The following SELENON variants were observed in gnomAD, a reference collection of about 807,000 sequenced individuals.
SELENON encodes the protein selenoprotein N, 1.
In SELENON, 44 loss-of-function variants were observed where a neutral mutation model predicts 59.5. The observed-to-expected ratio is 0.74, with a 90% confidence interval of 0.58 to 0.95. The LOEUF is 0.95. SELENON is among the 40% of genes least tolerant of loss of function. The pLI, the probability that SELENON is intolerant of heterozygous loss-of-function variation, is 0.00. For synonymous variants in SELENON, 320 were observed against 305.6 expected (o/e 1.05, Z -0.49); for missense variants, 674 against 721.4 (o/e 0.93, Z 0.75).
chr1:25,813,977 A>G lies in SELENON; in HGVS notation c.1484A>G (p.Glu495Gly). Residue 495 changes from glutamate (E) to glycine (G), a missense_variant, in exon 11 of 13, where the codon GAG becomes GGG. Coordinates refer to ENST00000361547, the MANE Select transcript of SELENON (RefSeq NM_020451.3). ...ATCAGCACCTGGTCCCTGGTGAAGG[A>G]GCTGGAGGAACTGCAGGTGAGCGGG... The G allele has an allele frequency of 6.2e-7, 1 of 1,614,036 alleles. No individual in the cohort carries two copies. Among genetic ancestry groups the G allele is most frequent in the Non-Finnish European group, 8.5e-7 (1 of 1,179,924 alleles).
chr1:25,808,463 A>G, intron 4 of SELENON, 117 bp from the exon 4 acceptor site: 1 of 1,198,174 alleles, frequency 8.3e-7, no homozygotes. Flanking sequence ...CCTGGGGTCC[A>G]TCTGCTCCCT....
chr1:25,802,607 C>T (rs1448534820), intron 3 of SELENON, among the ~76,000 whole-genome samples: 4 of 151,972 alleles, frequency 2.6e-5, no homozygotes, highest in African/African-American at 9.7e-5. Context: ...CTGCCCGCCT[C>T]AGCCTCCCAA....
At chr1:25,814,431 G>A (rs1363063038) in intron 12 of SELENON, among the ~76,000 whole-genome samples, 1 of 152,216 alleles carries the variant, frequency 6.6e-6, no homozygotes, top group African/African-American at 2.4e-5. Context: ...CAGAGTCAGC[G>A]CCTCCCTAGA....
chr1:25,805,407 A>C, intron 4 of SELENON, 132 bp downstream of exon 3: 1 of 1,242,536 alleles, frequency 8.0e-7, no homozygotes, highest in South Asian at 1.3e-5. Flanking sequence ...ATGTGCGGTG[A>C]TGTTGTCCCT....
chr1:25,801,127 G>A lies in SELENON; in HGVS notation c.268G>A (p.Glu90Lys). The A allele has an allele frequency of 1.2e-6, 2 of 1,614,174 alleles. No homozygotes were observed. The highest frequency in any genetic ancestry group is 1.7e-6 in the Non-Finnish European group (2 of 1,180,024). ...TGACGGGGATATGTACATCAGCCCTGAGGAGTTCAAACCCATTGCTGAGAA... is the reference window on the plus strand; with the variant it reads ...TGACGGGGATATGTACATCAGCCCTAAGGAGTTCAAACCCATTGCTGAGAA... The change falls in exon 2 of 13, where the codon GAG becomes AAG. Residue 90 changes from glutamate to lysine, a missense_variant. Coordinates refer to ENST00000361547, the MANE Select transcript of SELENON (RefSeq NM_020451.3).
At chr1:25,811,632 G>A (rs1174458042) in intron 8 of SELENON, 59 bp from the exon 8 acceptor site, 2 of 1,606,450 alleles carry the variant, frequency 1.2e-6, no homozygotes, top group Non-Finnish European at 1.7e-6. Context: ...CTCTAGGGGA[G>A]CCCCTGAGGA....
chr1:25,808,900 C>A, intron 5 of SELENON, 111 bp downstream of exon 4: 1 of 1,571,262 alleles, frequency 6.4e-7, no homozygotes, highest in Non-Finnish European at 8.7e-7. Flanking sequence ...TGCTCTCCTG[C>A]CTTCCTCTGG....
chr1:25,814,188 C>T lies in SELENON; in HGVS notation c.1602+10C>T. 1.2e-6 allele frequency: 2 copies of T among 1,610,010 alleles called. No individual in the cohort carries two copies. The highest frequency in any genetic ancestry group is 1.7e-6 in the Non-Finnish European group (2 of 1,177,136). ...GCCCAATGGCACCGTGGTAGGCACC[C>T]CCACTCAGACCCCACAGGGCCCAGG... On this transcript the variant is annotated intron_variant, in intron 12 of 12. Coordinates refer to ENST00000361547, the MANE Select transcript of SELENON (RefSeq NM_020451.3).
At chr1:25,802,531 T>C (rs1256721870) in intron 3 of SELENON, among the ~76,000 whole-genome samples, 1 of 152,022 alleles carries the variant, frequency 6.6e-6, no homozygotes, top group Non-Finnish European at 1.5e-5. Context: ...TGATTTTGTA[T>C]TTTTAGTAGA....
chr1:25,815,668 C>T lies in SELENON; in HGVS notation c.1723C>T (p.Gln575Ter). Residue 575 changes from glutamine to a stop codon, truncating the protein, a stop_gained, in exon 13 of 13, where the codon CAG (glutamine) becomes TAG (stop). Transcript: ENST00000361547. LOFTEE classifies it high-confidence loss of function. Reference sequence around the variant, plus strand: ...AGACCCGTCCACGGCCACCTACATGCAGTTCCTGAAGGAGGGACTCCGGCG... The same window carrying T: ...AGACCCGTCCACGGCCACCTACATGTAGTTCCTGAAGGAGGGACTCCGGCG... 1 of 1,614,196 alleles carries T rather than the reference C, an allele frequency of 6.2e-7. No homozygotes were observed. Among genetic ancestry groups the T allele is most frequent in the Non-Finnish European group, 8.5e-7 (1 of 1,180,024 alleles).
rs751318243 is a variant in SELENON at position 25,809,157 on chromosome 1, G to A, written c.872+7G>A. The A allele has an allele frequency of 5.0e-6, 8 of 1,613,514 alleles. No homozygotes were observed. Among genetic ancestry groups the A allele is most frequent in the Non-Finnish European group, 6.8e-6 (8 of 1,180,002 alleles). ...ACTACACTGTGATGTTCCGGTGAGTGGGCCACACTGGCTGGCCTGGAGCAC... is the reference window on the plus strand; with the variant it reads ...ACTACACTGTGATGTTCCGGTGAGTAGGCCACACTGGCTGGCCTGGAGCAC... On this transcript the variant is annotated splice_region_variant and intron_variant, in intron 6 of 12. Transcript: ENST00000361547.
Position 25,805,281 on chromosome 1 carries a change from T to G in SELENON, c.537+6T>G, listed in dbSNP as rs773311772. 8 of 1,613,878 alleles carry G rather than the reference T, an allele frequency of 5.0e-6. No individual in the cohort carries two copies. The South Asian group carries it at 8.8e-5, about 18-fold the overall frequency. ...GCAAAGATGGCTTCCTAGGGGTGAG[T>G]TGGGGACCACAGGCAGTGGGGTCAT... On this transcript the variant is annotated splice_donor_region_variant and intron_variant, in intron 4 of 12. Transcript: ENST00000361547.
At position 25,801,822 on chromosome 1, in the gene SELENON, G is replaced by A. The variant is rs190783942; in HGVS notation, c.302-194G>A. Among the ~76,000 whole-genome samples the A allele has an allele frequency of 4.6e-5, 7 of 152,302 alleles. No individual in the cohort carries two copies. In the East Asian group the frequency reaches 1.4e-3, roughly 29 times the overall value. ...GATCCCCATGTTTAATAGTCTGAGA[G>A]ACTAAGGCACAGGCAGGCTCCCCAG... On this transcript the variant is annotated intron_variant, in intron 2 of 12. Transcript: ENST00000361547.
chr1:25,816,124 C>A lies in SELENON; in HGVS notation c.*406C>A. The A allele has an allele frequency of 5.9e-6, 1 of 170,448 alleles. No individual in the cohort carries two copies. Among genetic ancestry groups the A allele is most frequent in the Non-Finnish European group, 1.3e-5 (1 of 78,954 alleles). 10.6% of individuals were successfully genotyped at this position (170,448 alleles called of 1,614,324 possible). ...CACCCTCTCCTTGCTTTCAGCCCTTCCCACAGGAAACATCAAGAAGCCCCA... is the reference window on the plus strand; with the variant it reads ...CACCCTCTCCTTGCTTTCAGCCCTTACCACAGGAAACATCAAGAAGCCCCA... On this transcript the variant is annotated 3_prime_UTR_variant, in exon 13 of 13. Transcript: ENST00000361547.
At chr1:25,805,643 T>TTCCCACACACTATGATGATTAC (rs1557428281) in intron 4 of SELENON, among the ~76,000 whole-genome samples, 1 of 143,756 alleles carries the variant, frequency 7.0e-6, no homozygotes, top group African/African-American at 3.0e-5. Flanking sequence ...ATGATGATTA[T>TTCCCACACACTATGATGATTAC]TTCCCACACA....
chr1:25,802,691 C>T (rs981301978), intron 3 of SELENON, among the ~76,000 whole-genome samples: 1 of 152,208 alleles, frequency 6.6e-6, no homozygotes. Context: ...TTGCCTAGTG[C>T]AGTCAGTGAT....
chr1:25,812,855 AG>A, intron 10 of SELENON, 63 bp downstream of exon 9: 1 of 1,266,816 alleles, frequency 7.9e-7, no homozygotes, highest in Non-Finnish European at 1.1e-6. Context: ...GGGGTACCAG[AG>A]GCTCTGAGAC....
At chr1:25,811,591 C>A (rs1265125920) in intron 8 of SELENON, 56 bp downstream of exon 7, 1 of 1,605,838 alleles carries the variant, frequency 6.2e-7, no homozygotes, top group Non-Finnish European at 8.5e-7. Context: ...CCCCGCCCTC[C>A]CTCTGCAATG....
Position 25,805,290 on chromosome 1 carries a change from A to G in SELENON, c.537+15A>G. 1.2e-6 allele frequency: 2 copies of G among 1,613,944 alleles called. No homozygotes were observed. Among genetic ancestry groups the G allele is most frequent in the Non-Finnish European group, 1.7e-6 (2 of 1,179,998 alleles). The stretch of plus-strand genomic sequence containing the variant: ...GCTTCCTAGGGGTGAGTTGGGGACC[A>G]CAGGCAGTGGGGTCATCTGTGTGTA... On this transcript the variant is annotated intron_variant, in intron 4 of 12. Coordinates refer to ENST00000361547, the MANE Select transcript of SELENON (RefSeq NM_020451.3).
Sources: gnomAD v4.1 joint callset for allele counts (sites outside exome capture counted in the v4.1 genomes callset) on GRCh38, gnomAD v4.1.1 for gene constraint, MANE v1.5 for transcripts, NCBI Gene and HGNC (gene_info 2026-07-23, HGNC 2026-07-21) for gene names.